Variants in ZNF385B observed in about 807,000 individuals in gnomAD.
ZNF385B encodes the protein zinc finger protein 385B.
ZNF385B carries 23 observed loss-of-function variants against 39.2 expected under a neutral mutation model. The ratio of observed to expected loss-of-function variants is 0.59; its 90% CI spans 0.42 to 0.83. The LOEUF is 0.83. Ranked by LOEUF, ZNF385B falls within the 40% of genes least tolerant of loss-of-function variation. ZNF385B has a pLI of 0.00. For missense variants in ZNF385B, 552 were observed against 598.9 expected (o/e 0.92, Z 0.82); for synonymous variants, 205 against 222.6 (o/e 0.92, Z 0.70).
chr2:179,456,095 A>T (rs990369), intron 6 of ZNF385B, among the ~76,000 whole-genome samples: 61,782 of 152,016 alleles, frequency 0.41, 14,269 homozygotes, highest in African/African-American at 0.63. Flanking sequence ...CATGGCTGTA[A>T]AGGCTATCAT....
intron 3 of ZNF385B, among the ~76,000 whole-genome samples, chr2:179,640,410 C>T (rs72969210): frequency 0.11 from 15,969 of 151,730 alleles, 1,079 homozygotes; most frequent in Non-Finnish European, 0.14. Context: ...TGAGTATATA[C>T]GCATATTAAT....
At chr2:179,453,287 T>C (rs961903235) in intron 6 of ZNF385B, among the ~76,000 whole-genome samples, 2 of 152,126 alleles carry the variant, frequency 1.3e-5, no homozygotes, top group Non-Finnish European at 2.9e-5. Context: ...CAACTGAGAA[T>C]TGAAAGCAAC....
At chr2:179,824,172 G>A (rs566274822) in intron 1 of ZNF385B, among the ~76,000 whole-genome samples, 28 of 152,230 alleles carry the variant, frequency 1.8e-4, no homozygotes, top group African/African-American at 6.7e-4. Context: ...CTATTGAAAT[G>A]CTAGTATCTA....
intron 3 of ZNF385B, among the ~76,000 whole-genome samples, chr2:179,755,884 C>G (rs768088829): frequency 6.6e-6 from 1 of 152,154 alleles, no homozygotes; most frequent in Non-Finnish European, 1.5e-5. Context: ...GAATCTTTAT[C>G]CAATTTGCTA....
intron 3 of ZNF385B, among the ~76,000 whole-genome samples, chr2:179,747,339 A>C (rs567417588): frequency 6.6e-6 from 1 of 152,266 alleles, no homozygotes; most frequent in African/African-American, 2.4e-5. Context: ...ACGATTGGAT[A>C]TGCACATGCG....
rs146394427 is a variant in ZNF385B at position 179,732,787 on chromosome 2, C to T, written c.298+36716G>A. Among the ~76,000 whole-genome samples the T allele has an allele frequency of 4.6e-5, 7 of 152,244 alleles. No individual in the cohort carries two copies. In the East Asian group the frequency reaches 1.4e-3, roughly 29 times the overall value. ...TGTTATGCGTTTCTCCAACAGAGAA[C>T]TAAATGTATGAGATTAAAAAACAAC... is the stretch of plus-strand genomic sequence containing the variant. On this transcript the variant is annotated intron_variant, in intron 3 of 9. Transcript: ENST00000410066.
At chr2:179,465,165 A>T (rs1282709860) in intron 6 of ZNF385B, among the ~76,000 whole-genome samples, 2 of 152,038 alleles carry the variant, frequency 1.3e-5, no homozygotes, top group Admixed American at 1.3e-4. Flanking sequence ...GATGTTCATG[A>T]AATTTCCCCT....
At chr2:179,822,825 T>C (rs1348703301) in intron 1 of ZNF385B, among the ~76,000 whole-genome samples, 1 of 152,182 alleles carries the variant, frequency 6.6e-6, no homozygotes, top group Non-Finnish European at 1.5e-5. Context: ...AGGAATTCTG[T>C]GCTTATGGGA....
chr2:179,694,351 C>T (rs1698561542), intron 3 of ZNF385B, among the ~76,000 whole-genome samples: 1 of 141,894 alleles, frequency 7.0e-6, no homozygotes, highest in Non-Finnish European at 1.5e-5. Context: ...CTGCATTAAG[C>T]TTTTTTTTTT....
At chr2:179,589,721 A>T (rs562070543) in intron 3 of ZNF385B, among the ~76,000 whole-genome samples, 2 of 152,232 alleles carry the variant, frequency 1.3e-5, no homozygotes, top group Non-Finnish European at 2.9e-5. Context: ...TATGATTAAA[A>T]GGAAAAATGT....
At chr2:179,824,365 G>C (rs557282567) in intron 1 of ZNF385B, among the ~76,000 whole-genome samples, 27 of 152,216 alleles carry the variant, frequency 1.8e-4, no homozygotes, top group African/African-American at 6.5e-4. Context: ...AAGGGTGCTT[G>C]GGAGTCAGAC....
chr2:179,665,864 C>T (rs1488683303), intron 3 of ZNF385B, among the ~76,000 whole-genome samples: 2 of 151,494 alleles, frequency 1.3e-5, no homozygotes, highest in African/African-American at 4.9e-5. Flanking sequence ...TCAATGTATA[C>T]CCACTCTACC....
intron 3 of ZNF385B, among the ~76,000 whole-genome samples, chr2:179,639,460 G>T (rs1216155348): frequency 6.6e-6 from 1 of 152,014 alleles, no homozygotes; most frequent in Non-Finnish European, 1.5e-5. Flanking sequence ...GAATGTGTTA[G>T]TGTGATTTAA....
intron 3 of ZNF385B, among the ~76,000 whole-genome samples, chr2:179,664,865 TTTTG>T (rs1309844927): frequency 2.0e-5 from 3 of 152,200 alleles, no homozygotes; most frequent in African/African-American, 4.8e-5. Flanking sequence ...ATTGCAGGAT[TTTTG>T]TTTATTATTT....
At chr2:179,632,207 G>C (rs1324838219) in intron 3 of ZNF385B, among the ~76,000 whole-genome samples, 1 of 152,172 alleles carries the variant, frequency 6.6e-6, no homozygotes, top group African/African-American at 2.4e-5. Flanking sequence ...AGACCTAATA[G>C]ACATCTACAG....
At chr2:179,501,697 A>G (rs931293871) in intron 5 of ZNF385B, among the ~76,000 whole-genome samples, 1 of 152,212 alleles carries the variant, frequency 6.6e-6, no homozygotes, top group Non-Finnish European at 1.5e-5. Context: ...TATAGTTAAT[A>G]GTAACTTAAT....
intron 1 of ZNF385B, among the ~76,000 whole-genome samples, chr2:179,803,786 C>T (rs887562163): frequency 2.0e-5 from 3 of 151,826 alleles, no homozygotes; most frequent in Non-Finnish European, 4.4e-5. Flanking sequence ...AAAAAAAATA[C>T]AGCCAGTAAC....
intron 3 of ZNF385B, among the ~76,000 whole-genome samples, chr2:179,620,352 C>T (rs1372274029): frequency 2.6e-5 from 4 of 152,122 alleles, no homozygotes; most frequent in African/African-American, 9.7e-5. Flanking sequence ...GGGGCACTCT[C>T]CTTATTGTGA....
intron 3 of ZNF385B, among the ~76,000 whole-genome samples, chr2:179,669,763 T>C (rs1420753989): frequency 6.6e-6 from 1 of 152,230 alleles, no homozygotes; most frequent in Non-Finnish European, 1.5e-5. Flanking sequence ...GAAATAATTA[T>C]GTTAATGAGA....
Sources: allele counts gnomAD v4.1 joint callset (sites outside exome capture counted in the v4.1 genomes callset), GRCh38; gene constraint gnomAD v4.1.1; transcripts MANE v1.5; gene names NCBI Gene and HGNC (gene_info 2026-07-23, HGNC 2026-07-21).